Variants in DOCK5 observed in about 807,000 individuals in gnomAD.
The protein encoded by DOCK5 is dedicator of cytokinesis 5, also known as dedicator of cytokinesis protein 5.
DOCK5 carries 142 observed loss-of-function variants against 251.8 expected under a neutral mutation model. That is an observed-to-expected ratio of 0.56 (90% CI 0.49 to 0.65). DOCK5 has a LOEUF of 0.65. DOCK5 is among the 30% of genes least tolerant of loss of function. The pLI is 0.00. For synonymous variants in DOCK5, 842 were observed against 835.5 expected, an observed-to-expected ratio of 1.01 and a Z score of -0.13; for missense variants, 2,111 against 2,312.3, an observed-to-expected ratio of 0.91 and a Z score of 1.79.
intron 6 of DOCK5, among the ~76,000 whole-genome samples, chr8:25,294,452 G>C (rs1355641404): frequency 6.6e-6 from 1 of 152,166 alleles, no homozygotes; most frequent in Non-Finnish European, 1.5e-5. Flanking sequence ...TGCATGCTGG[G>C]TATTCGGATA....
rs944976350 is a variant in DOCK5 at position 25,316,891 on chromosome 8, A to G, written c.1319-116A>G. ...TATGAAAGCCTTTTGTCGGATGAGT[A>G]GTTCAGTATAAAACCAGACCATTTC... is the stretch of plus-strand genomic sequence containing the variant. On this transcript the variant is annotated intron_variant, in intron 13 of 51. Coordinates refer to ENST00000276440, the MANE Select transcript of DOCK5 (RefSeq NM_024940.8). The G allele has an allele frequency of 4.5e-5, 57 of 1,274,318 alleles. No homozygotes were observed. The African/African-American group carries it at 7.4e-4, about 17-fold the overall frequency. 78.9% of individuals were successfully genotyped at this position (1,274,318 alleles called of 1,614,324 possible). A position where few individuals can be genotyped will look rare whatever the true frequency, so the allele number is the denominator to read the frequency against.
At chr8:25,342,608 C>G in intron 25 of DOCK5, 101 bp downstream of exon 25, 2 of 737,124 alleles carry the variant, frequency 2.7e-6, no homozygotes, top group South Asian at 4.2e-5. Context: ...TCTCAAAAAG[C>G]TAAAACAAGC....
intron 23 of DOCK5, 53 bp from the exon 24 acceptor site, chr8:25,341,686 A>G: frequency 2.1e-6 from 3 of 1,437,106 alleles, no homozygotes; most frequent in East Asian, 2.5e-5. Context: ...AGCAGTAAAT[A>G]CTGTATTTGT....
At chr8:25,336,161 C>A (rs1805799310) in intron 21 of DOCK5, 78 bp from the exon 22 acceptor site, 21 of 1,474,118 alleles carry the variant, frequency 1.4e-5, no homozygotes, top group Non-Finnish European at 1.9e-5. Flanking sequence ...ATGCCATGTT[C>A]CCCTCTTAGA....
intron 5 of DOCK5, among the ~76,000 whole-genome samples, chr8:25,289,008 A>G (rs1177993164): frequency 1.3e-5 from 2 of 152,222 alleles, no homozygotes; most frequent in African/African-American, 2.4e-5. Flanking sequence ...GCAATCACAG[A>G]TAAATGGGTT....
intron 5 of DOCK5, 74 bp from the exon 6 acceptor site, chr8:25,291,949 TA>T (rs1204741700): frequency 1.1e-5 from 14 of 1,326,308 alleles, no homozygotes; most frequent in South Asian, 3.4e-5. Flanking sequence ...AACAAACAAA[TA>T]AAAAAAGGAT....
intron 28 of DOCK5, among the ~76,000 whole-genome samples, chr8:25,362,462 CTTTTTTTTTT>C (rs869096662): frequency 3.7e-5 from 2 of 54,634 alleles, no homozygotes; most frequent in Non-Finnish European, 7.9e-5. Flanking sequence ...CTTTTCTTTT[CTTTTTTTTTT>C]TTTTTTTTTT....
intron 3 of DOCK5, among the ~76,000 whole-genome samples, chr8:25,274,906 A>G (rs1351127837): frequency 1.3e-5 from 2 of 151,970 alleles, no homozygotes; most frequent in East Asian, 3.9e-4. Flanking sequence ...GCCATACTTG[A>G]GTATGTGTGG....
chr8:25,241,820 C>T (rs1802954736), intron 1 of DOCK5, among the ~76,000 whole-genome samples: 1 of 146,860 alleles, frequency 6.8e-6, no homozygotes, highest in African/African-American at 2.7e-5. Context: ...TACTATGCAA[C>T]CATAAAAAAA....
At chr8:25,308,684 C>A in intron 11 of DOCK5, 99 bp from the exon 12 acceptor site, 1 of 1,337,176 alleles carries the variant, frequency 7.5e-7, no homozygotes, top group Non-Finnish European at 1.0e-6. Flanking sequence ...GTGTTGATAT[C>A]TCCAAATTAT....
At chr8:25,199,527 G>A in intron 1 of DOCK5, among the ~76,000 whole-genome samples, 1 of 152,106 alleles carries the variant, frequency 6.6e-6, no homozygotes, top group South Asian at 2.1e-4. Flanking sequence ...GGGATTATAA[G>A]CATTTGCCAC....
At chr8:25,316,974 A>G in intron 13 of DOCK5, 33 bp from the exon 14 acceptor site, 1 of 1,611,338 alleles carries the variant, frequency 6.2e-7, no homozygotes. Context: ...GACTTCTCTC[A>G]GCAACACTCA....
Position 25,401,047 on chromosome 8 carries a change from A to C in DOCK5, c.4907A>C (p.His1636Pro). 6.2e-7 allele frequency: 1 copy of C among 1,614,038 alleles called. No homozygotes were observed. Among genetic ancestry groups the C allele is most frequent in the Non-Finnish European group, 8.5e-7 (1 of 1,179,876 alleles). The change falls in exon 47 of 52, where the codon CAC becomes CCC. Residue 1636 changes from histidine to proline, a missense_variant. Coordinates refer to ENST00000276440, the MANE Select transcript of DOCK5 (RefSeq NM_024940.8). ...FRELKEKVEK[H>P]YGVITLPPNL... Reference sequence around the variant, plus strand: ...GAACTCAAGGAGAAAGTAGAAAAGCACTATGGGGTTATAACACTGGTAAGC... The same window carrying C: ...GAACTCAAGGAGAAAGTAGAAAAGCCCTATGGGGTTATAACACTGGTAAGC...
intron 11 of DOCK5, 77 bp downstream of exon 11, chr8:25,304,404 G>A (rs2117172104): frequency 7.7e-7 from 1 of 1,293,900 alleles, no homozygotes; most frequent in Non-Finnish European, 1.1e-6. Flanking sequence ...ACAGAAACAG[G>A]TGTTAGAAAC....
intron 40 of DOCK5, among the ~76,000 whole-genome samples, chr8:25,383,422 T>C (rs1257687951): frequency 6.6e-6 from 1 of 152,216 alleles, no homozygotes; most frequent in African/African-American, 2.4e-5. Context: ...AGTAAATATT[T>C]ATTGAACATC....
At chr8:25,410,008 G>A in intron 50 of DOCK5, 91 bp from the exon 51 acceptor site, 3 of 1,046,086 alleles carry the variant, frequency 2.9e-6, no homozygotes, top group South Asian at 1.5e-5. Flanking sequence ...GGTTGACCAG[G>A]TTGGCTTAGG....
chr8:25,304,791 T>TA (rs1193554922), intron 11 of DOCK5: 1 of 153,590 alleles, frequency 6.5e-6, no homozygotes, highest in Non-Finnish European at 1.4e-5. Context: ...GATGCTGATG[T>TA]AGCTGGTCTG....
At chr8:25,331,797 T>TAGAG (rs1284946363) in intron 18 of DOCK5, among the ~76,000 whole-genome samples, 1 of 40,042 alleles carries the variant, frequency 2.5e-5, no homozygotes, top group Admixed American at 3.9e-4. Context: ...TATATATATA[T>TAGAG]ATATAGAGAG....
intron 1 of DOCK5, among the ~76,000 whole-genome samples, chr8:25,212,116 A>G (rs114093583): frequency 0.072 from 4,549 of 63,318 alleles, 1,387 homozygotes; most frequent in African/African-American, 0.15. Flanking sequence ...AGCCGAGATT[A>G]TGCCACTGTT....
Sources: allele counts gnomAD v4.1 joint callset (sites outside exome capture counted in the v4.1 genomes callset), GRCh38; gene constraint gnomAD v4.1.1; transcripts MANE v1.5; gene names NCBI Gene and HGNC (gene_info 2026-07-23, HGNC 2026-07-21).